Variants in DLGAP1 observed in about 807,000 individuals in gnomAD.
DLGAP1 encodes disks large-associated protein 1.
In DLGAP1, 11 loss-of-function variants were observed where a neutral mutation model predicts 90.8. That is an observed-to-expected ratio of 0.12 (90% confidence interval 0.08 to 0.20). The LOEUF is 0.20. Among genes scored for constraint, DLGAP1 ranks in the 10% least tolerant of loss-of-function variants. The pLI is 1.00. For missense variants in DLGAP1, 1,050 were observed against 1,333.8 expected (o/e 0.79, Z 3.31); for synonymous variants, 558 against 540.7 (o/e 1.03, Z -0.44).
intron 7 of DLGAP1, among the ~76,000 whole-genome samples, chr18:3,719,229 T>A (rs1028210776): frequency 5.9e-5 from 9 of 152,036 alleles, no homozygotes; most frequent in Non-Finnish European, 1.5e-5. Flanking sequence ...TGGTTCTACA[T>A]CTTGATTATA....
chr18:4,115,420 C>G (rs2076044948), intron 2 of DLGAP1, among the ~76,000 whole-genome samples: 1 of 151,290 alleles, frequency 6.6e-6, no homozygotes, highest in Non-Finnish European at 1.5e-5. Context: ...TTATTATATA[C>G]TGTTTACAAT....
rs545981679 is a variant in DLGAP1, at chr18:4,438,356, C to T, written c.-267+16650G>A. On this transcript the variant is annotated intron_variant, in intron 1 of 12. Transcript: ENST00000315677. ...GCCACATTTCAGAATGGTGTGAACCCGGGAGGTGGAGCTTGCAGTGAGCCG... is the reference window on the plus strand; with the variant it reads ...GCCACATTTCAGAATGGTGTGAACCTGGGAGGTGGAGCTTGCAGTGAGCCG... Among the ~76,000 whole-genome samples, 56 of 125,042 alleles carry T rather than the reference C, an allele frequency of 4.5e-4. No homozygotes were observed. The South Asian group carries it at 7.3e-3, about 16-fold the overall frequency. 82.0% of individuals were successfully genotyped at this position (125,042 alleles called of 152,430 possible). A position where few individuals can be genotyped will look rare whatever the true frequency, so the allele number is the denominator to read the frequency against.
At chr18:4,283,206 T>C (rs958391800) in intron 1 of DLGAP1, among the ~76,000 whole-genome samples, 1 of 152,208 alleles carries the variant, frequency 6.6e-6, no homozygotes, top group South Asian at 2.1e-4. Flanking sequence ...CTATCTGATA[T>C]GTAATGCTGA....
At chr18:3,575,185 A>C (rs2145266796) in intron 8 of DLGAP1, among the ~76,000 whole-genome samples, 1 of 152,306 alleles carries the variant, frequency 6.6e-6, no homozygotes, top group East Asian at 1.9e-4. Flanking sequence ...GGCAGAGACA[A>C]GTTTCATTAT....
At chr18:4,228,037 G>A (rs2078228421) in intron 1 of DLGAP1, among the ~76,000 whole-genome samples, 1 of 151,232 alleles carries the variant, frequency 6.6e-6, no homozygotes, top group South Asian at 2.1e-4. Context: ...CAATACCACT[G>A]AAATTCAAAT....
At chr18:3,545,781 T>C in intron 9 of DLGAP1, among the ~76,000 whole-genome samples, 1 of 152,130 alleles carries the variant, frequency 6.6e-6, no homozygotes, top group East Asian at 1.9e-4. Context: ...AGATACATGG[T>C]AATACTAATG....
intron 5 of DLGAP1, among the ~76,000 whole-genome samples, chr18:3,750,772 C>T (rs751925310): frequency 2.0e-5 from 3 of 152,180 alleles, no homozygotes; most frequent in South Asian, 2.1e-4. Flanking sequence ...CACGTGATCA[C>T]GCATGCCCTC....
rs971561082 is a variant in DLGAP1 at position 3,496,857 on chromosome 18, T to C, written c.*2328A>G. 4.6e-5 allele frequency: 7 copies of C among 152,214 alleles called. No individual in the cohort carries two copies. The highest frequency in any genetic ancestry group is 1.4e-4 in the African/African-American group (6 of 41,464). 9.4% of individuals were successfully genotyped at this position (152,214 alleles called of 1,614,324 possible). On this transcript the variant is annotated 3_prime_UTR_variant, in exon 13 of 13. Transcript: ENST00000315677. Reference sequence around the variant, plus strand: ...GGAAGGCAAAGATCATGATGCCCTGTAGGCCTTGAGCTAAAAGATTTAAAA... The same window carrying C: ...GGAAGGCAAAGATCATGATGCCCTGCAGGCCTTGAGCTAAAAGATTTAAAA...
intron 9 of DLGAP1, among the ~76,000 whole-genome samples, chr18:3,557,357 T>TA (rs1231375716): frequency 2.0e-5 from 3 of 151,914 alleles, no homozygotes; most frequent in South Asian, 2.1e-4. Flanking sequence ...CCGTCTCTAC[T>TA]AAAAAAATAT....
intron 3 of DLGAP1, among the ~76,000 whole-genome samples, chr18:3,949,121 C>A (rs1421544612): frequency 1.3e-5 from 2 of 152,160 alleles, no homozygotes; most frequent in African/African-American, 4.8e-5. Context: ...GACCTTCATA[C>A]ATGATATCAT....
In DLGAP1 at chr18:3,772,346, C is replaced by CTCTTTCTTTCTT. The variant is rs869167707; in HGVS notation, c.1173-29846_1173-29835dup. Among the ~76,000 whole-genome samples the CTCTTTCTTTCTT allele has an allele frequency of 1.1e-3, 15 of 14,246 alleles. 1 individual carries two copies. Among genetic ancestry groups the CTCTTTCTTTCTT allele is most frequent in the Non-Finnish European group, 1.7e-3 (11 of 6,652 alleles). 9.3% of individuals were successfully genotyped at this position (14,246 alleles called of 152,430 possible). The stretch of plus-strand genomic sequence containing the variant: ...CCTTTCTCTCCTTCTCTCTCTCTCT[C>CTCTTTCTTTCTT]TCTTTCTTTCTTTCTTTCTTTCTTT... On this transcript the variant is annotated intron_variant, in intron 5 of 12. Transcript: ENST00000315677.
intron 4 of DLGAP1, among the ~76,000 whole-genome samples, chr18:3,869,153 C>CATT (rs1568262831): frequency 4.3e-5 from 6 of 140,672 alleles, no homozygotes; most frequent in Non-Finnish European, 6.1e-5. Context: ...GTGTGTATTG[C>CATT]GTTTTTTTTT....
chr18:3,561,291 T>G (rs1392642410), intron 9 of DLGAP1, among the ~76,000 whole-genome samples: 1 of 137,436 alleles, frequency 7.3e-6, no homozygotes, highest in Non-Finnish European at 1.6e-5. Context: ...AAACAAAAAA[T>G]AGCCAGATGT....
intron 3 of DLGAP1, among the ~76,000 whole-genome samples, chr18:3,956,064 A>G (rs1360604184): frequency 6.6e-6 from 1 of 152,204 alleles, no homozygotes; most frequent in Admixed American, 6.5e-5. Flanking sequence ...TACCAATCTA[A>G]GAAGCTCAGT....
chr18:3,752,066 T>TGGAGACAGG (rs1444316322), intron 5 of DLGAP1, among the ~76,000 whole-genome samples: 5 of 151,024 alleles, frequency 3.3e-5, no homozygotes, highest in African/African-American at 1.2e-4. Context: ...GTATTTTTAG[T>TGGAGACAGG]GGAGACAGGG....
intron 2 of DLGAP1, among the ~76,000 whole-genome samples, chr18:4,038,402 T>C (rs1598284434): frequency 6.6e-6 from 1 of 152,134 alleles, no homozygotes; most frequent in South Asian, 2.1e-4. Context: ...GATGACCCAT[T>C]TCATATTTCA....
chr18:3,705,087 T>C (rs1263728559), intron 7 of DLGAP1, among the ~76,000 whole-genome samples: 1 of 152,170 alleles, frequency 6.6e-6, no homozygotes, highest in African/African-American at 2.4e-5. Context: ...CAGAGTGGAA[T>C]AAGCTTAGCA....
intron 7 of DLGAP1, among the ~76,000 whole-genome samples, chr18:3,635,855 A>G (rs1450417069): frequency 6.6e-6 from 1 of 151,412 alleles, no homozygotes; most frequent in African/African-American, 2.4e-5. Context: ...TTCCTCAATA[A>G]TCACTGGATT....
intron 3 of DLGAP1, among the ~76,000 whole-genome samples, chr18:3,963,889 A>C (rs1182762221): frequency 6.6e-6 from 1 of 152,242 alleles, no homozygotes; most frequent in Non-Finnish European, 1.5e-5. Context: ...TAAAGCCCTT[A>C]AGAATAATGT....
Sources: gnomAD v4.1 joint callset for allele counts (sites outside exome capture counted in the v4.1 genomes callset) on GRCh38, gnomAD v4.1.1 for gene constraint, MANE v1.5 for transcripts, NCBI Gene and HGNC (gene_info 2026-07-23, HGNC 2026-07-21) for gene names.